Variants in PSG4 observed in about 807,000 individuals in gnomAD.
PSG4 encodes the protein pregnancy specific beta-1-glycoprotein 4.
Under a neutral mutation model 44.3 loss-of-function variants are expected in PSG4, and 61 were observed. The ratio of observed to expected loss-of-function variants is 1.38; its 90% CI spans 1.12 to 1.70. The LOEUF (loss-of-function observed/expected upper bound fraction) is 1.70, where lower values mean the gene tolerates loss of function less well. Among genes scored for constraint, PSG4 ranks in the 40% most tolerant of loss-of-function variants. The pLI is 0.00. For synonymous variants in PSG4, 248 were observed against 191.3 expected, an observed-to-expected ratio of 1.30 and a Z score of -2.45; for missense variants, 677 against 511.7, an observed-to-expected ratio of 1.32 and a Z score of -3.12.
intron 3 of PSG4, chr19:43,196,902 T>C (rs1394902593): frequency 6.9e-6 from 1 of 145,912 alleles, no homozygotes; most frequent in African/African-American, 2.6e-5. Flanking sequence ...AGGGGTTGCA[T>C]TGAATCTGCA....
At chr19:43,203,086 TA>T (rs1277562411) in intron 2 of PSG4, 1 of 146,070 alleles carries the variant, frequency 6.8e-6, no homozygotes, top group Non-Finnish European at 1.5e-5. Flanking sequence ...TCACCTGACC[TA>T]ATGCTTGGCA....
rs1418989195 is a variant in PSG4, at chr19:43,205,343, C to G, written c.64+130G>C. 38 of 1,158,368 alleles carry G rather than the reference C, an allele frequency of 3.3e-5. 4 individuals are homozygous for G. The highest frequency in any genetic ancestry group is 1.3e-4 in the Admixed American group (6 of 45,464). The allele number at this position is 1,158,368 out of a possible 1,614,324, so 71.8% of individuals were successfully genotyped here. A position where few individuals can be genotyped will look rare whatever the true frequency, so the allele number is the denominator to read the frequency against. ...AGACTGATCTTGAACTCCTGATCTC[C>G]TGATCCACCCAACTCAGCCTCCCAA... On this transcript the variant is annotated intron_variant, in intron 1 of 5. Transcript: ENST00000405312.
Position 43,195,120 on chromosome 19 carries a change from C to G in PSG4, c.863G>C (p.Arg288Pro). The change falls in exon 4 of 6, where the codon CGA becomes CCA. Residue 288 changes from arginine to proline, a missense_variant. Transcript: ENST00000405312. ...QSLPVSPRVK[R>P]PIENRILILP... ...AATGAGGATCCTGTTTTCAATGGGT[C>G]GCTTTACCCTGGGACTGACAGGGAG... 9 of 1,610,632 alleles carry G rather than the reference C, an allele frequency of 5.6e-6. 1 individual carries two copies. The highest frequency in any genetic ancestry group is 6.8e-6 in the Non-Finnish European group (8 of 1,179,060).
At position 43,205,582 on chromosome 19, in the gene PSG4, A is replaced by T. The variant is rs745380301; in HGVS notation, c.-46T>A. ...TCTCCTCTGTGGAGATAAGCCTAGGATCCAGAAGCTTCCTGAGTACGGCTG... is the reference window on the plus strand; with the variant it reads ...TCTCCTCTGTGGAGATAAGCCTAGGTTCCAGAAGCTTCCTGAGTACGGCTG... On this transcript the variant is annotated 5_prime_UTR_variant, in exon 1 of 6. Transcript: ENST00000405312. 45 of 1,502,930 alleles carry T rather than the reference A, an allele frequency of 3.0e-5. 1 individual carries two copies. Among genetic ancestry groups the T allele is most frequent in the Middle Eastern group, 1.8e-4 (1 of 5,684 alleles). 93.1% of individuals were successfully genotyped at this position (1,502,930 alleles called of 1,614,324 possible). A position where few individuals can be genotyped will look rare whatever the true frequency, so the allele number is the denominator to read the frequency against.
rs1267384627 is a variant in PSG4 at position 43,193,078 on chromosome 19, G to A, written c.*294C>T. The stretch of plus-strand genomic sequence containing the variant: ...AAAGAGGCAGGCATGAGCAAGGACG[G>A]TTAAGAGGGGTGGGAGCCTTATCAT... On this transcript the variant is annotated 3_prime_UTR_variant, in exon 6 of 6. Transcript: ENST00000405312. 3.3e-5 allele frequency: 20 copies of A among 613,910 alleles called. No homozygotes were observed. The East Asian group carries it at 5.5e-4, about 17-fold the overall frequency. The allele number at this position is 613,910 out of a possible 1,614,324, so 38.0% of individuals were successfully genotyped here. A position where few individuals can be genotyped will look rare whatever the true frequency, so the allele number is the denominator to read the frequency against.
rs1000661475 is a variant in PSG4 at position 43,194,272 on chromosome 19, A to C, written c.1243+68T>G. 10 of 1,609,386 alleles carry C rather than the reference A, an allele frequency of 6.2e-6. 1 individual carries two copies. The Admixed American group carries it at 1.5e-4, about 24-fold the overall frequency. On this transcript the variant is annotated intron_variant, in intron 5 of 5. Coordinates refer to ENST00000405312, the MANE Select transcript of PSG4 (RefSeq NM_002780.5). ...GGCTGGGAATAAAAATGTTTTCCTC[A>C]CTCTTCCCTGAATGCCAGATAGACT...
rs186520131 is a variant in PSG4, at chr19:43,194,988, T to A, written c.988+7A>T. 6.2e-7 allele frequency: 1 copy of A among 1,610,012 alleles called. No homozygotes were observed. The highest frequency in any genetic ancestry group is 8.5e-7 in the Non-Finnish European group (1 of 1,177,814). ...TCCTGGCCCACAGAGGAACAAAAGA[T>A]ACTCACAGAGGACATTCAGGGTGAC... On this transcript the variant is annotated splice_region_variant and intron_variant, in intron 4 of 5. Coordinates refer to ENST00000405312, the MANE Select transcript of PSG4 (RefSeq NM_002780.5).
At chr19:43,200,068 A>T (rs901583815) in intron 2 of PSG4, among the ~76,000 whole-genome samples, 1 of 145,762 alleles carries the variant, frequency 6.9e-6, no homozygotes, top group Non-Finnish European at 1.5e-5. Context: ...AGAGTTAGGA[A>T]AAATGGGGAG....
At chr19:43,203,741 G>T in intron 2 of PSG4, 145 bp downstream of exon 2, 1 of 1,376,050 alleles carries the variant, frequency 7.3e-7, no homozygotes, top group Non-Finnish European at 9.8e-7. Flanking sequence ...TCTCCTCTGT[G>T]TGTCCTGCAC....
intron 2 of PSG4, among the ~76,000 whole-genome samples, chr19:43,202,459 C>T (rs1967558061): frequency 6.9e-6 from 1 of 144,652 alleles, no homozygotes; most frequent in Admixed American, 6.9e-5. Flanking sequence ...CTAGAACCTC[C>T]TATGATTCTG....
At position 43,204,094 on chromosome 19, in the gene PSG4, G is replaced by C. The variant is rs1568390703; in HGVS notation, c.222C>G (p.Tyr74Ter). The C allele has an allele frequency of 1.9e-6, 3 of 1,586,354 alleles. No individual in the cohort carries two copies. Among genetic ancestry groups the C allele is most frequent in the Non-Finnish European group, 8.5e-7 (1 of 1,170,976 alleles). Reference protein sequence around the residue: ...GYIWYKGQMTYLYHYITSYVV... With the variant: ...GYIWYKGQMT ...CATATGATGTAATGTAATGGTAGAG[G>C]TATGTCATTTGCCCTTTGTACCAAA... Residue 74 changes from tyrosine (Y) to a stop codon, truncating the protein, a stop_gained, in exon 2 of 6, where the codon TAC becomes TAG. Transcript: ENST00000405312. LOFTEE classifies it high-confidence loss of function.
At chr19:43,196,784 C>T (rs756663754) in intron 3 of PSG4, 1 of 151,146 alleles carries the variant, frequency 6.6e-6, no homozygotes, top group Non-Finnish European at 1.5e-5. Context: ...TCATGGTTGC[C>T]TCTTTTTCTC....
rs1460681781 is a variant in PSG4 at position 43,205,500 on chromosome 19, T to C, written c.37A>G (p.Ile13Val). The C allele has an allele frequency of 6.4e-7, 1 of 1,553,572 alleles. No individual in the cohort carries two copies. The highest frequency in any genetic ancestry group is 1.7e-5 in the Admixed American group (1 of 57,614). ...GTGAGCAGGACCCCCTTCCAGGTGATGCGCTGTGTGCAGGGAGGGGCTGAG... is the reference window on the plus strand; with the variant it reads ...GTGAGCAGGACCCCCTTCCAGGTGACGCGCTGTGTGCAGGGAGGGGCTGAG... ...PLSAPPCTQRITWKGVLLTAS... is the reference protein window; with the variant it reads ...PLSAPPCTQRVTWKGVLLTAS... Residue 13 changes from isoleucine (I) to valine (V), a missense_variant, in exon 1 of 6, where the codon ATC becomes GTC. Physicochemically the swap from Ile to Val is conservative, Grantham distance 29 (BLOSUM62 3). Transcript: ENST00000405312.
intron 2 of PSG4, 187 bp downstream of exon 2, chr19:43,203,699 G>A (rs1967622432): frequency 9.7e-6 from 11 of 1,133,526 alleles, no homozygotes; most frequent in Admixed American, 2.4e-5. Flanking sequence ...GGGTCTGAAT[G>A]CGGGAAAGGA....
intron 2 of PSG4, among the ~76,000 whole-genome samples, chr19:43,202,344 C>T (rs141581494): frequency 7.0e-6 from 1 of 143,628 alleles, no homozygotes; most frequent in Admixed American, 6.9e-5. Context: ...CCTCTGGTGG[C>T]CAAAGAGCTT....
intron 3 of PSG4, among the ~76,000 whole-genome samples, 178 bp from the exon 4 acceptor site, chr19:43,195,451 G>C (rs1047049726): frequency 2.0e-5 from 3 of 151,454 alleles, no homozygotes; most frequent in African/African-American, 7.3e-5. Context: ...AAGACTGTGA[G>C]GCCACCTGCT....
chr19:43,195,185 A>T lies in PSG4; in HGVS notation c.798T>A (p.Ser266Arg), dbSNP rs772915784. The T allele has an allele frequency of 1.2e-6, 2 of 1,609,724 alleles. No homozygotes were observed. Among genetic ancestry groups the T allele is most frequent in the African/African-American group, 1.3e-5 (1 of 74,396 alleles). Residue 266 changes from serine (S) to arginine (R), a missense_variant, in exon 4 of 6, where the codon AGT becomes AGA. Physicochemically the swap from Ser to Arg is moderately radical, Grantham distance 110. Coordinates refer to ENST00000405312, the MANE Select transcript of PSG4 (RefSeq NM_002780.5). ...GCCACCAAATGTAGGTGTAGTTCTT[A>T]CTCTTAGGTTCACAGGTGAAGGTTA... ...DVLTFTCEPK[S>R]KNYTYIWWLN...
At position 43,193,179 on chromosome 19, in the gene PSG4, C is replaced by G; in HGVS notation, c.*193G>C. The G allele has an allele frequency of 4.0e-6, 3 of 742,760 alleles. 1 individual carries two copies. Among genetic ancestry groups the G allele is most frequent in the Non-Finnish European group, 7.4e-6 (3 of 405,692 alleles). The allele number at this position is 742,760 out of a possible 1,614,324, so 46.0% of individuals were successfully genotyped here. A position where few individuals can be genotyped will look rare whatever the true frequency, so the allele number is the denominator to read the frequency against. ...GTCATCAACTTGTTATCCTGGTTTA[C>G]AGTTTGAGTAGCTGTTGTTATGGTG... is the stretch of plus-strand genomic sequence containing the variant. On this transcript the variant is annotated 3_prime_UTR_variant, in exon 6 of 6. Transcript: ENST00000405312.
rs1177735848 is a variant in PSG4, at chr19:43,204,211, T to A, written c.105A>T (p.Gln35His). ...TGGGTGGCTGGGCTTCAATCGTGACTTGGGCAGTTGTGGGCGGATTCCAGA... is the reference window on the plus strand; with the variant it reads ...TGGGTGGCTGGGCTTCAATCGTGACATGGGCAGTTGTGGGCGGATTCCAGA... The part of the protein sequence containing the change: ...LNFWNPPTTA[Q>H]VTIEAQPPKV... Residue 35 changes from glutamine to histidine, a missense_variant, in exon 2 of 6, where the codon CAA becomes CAT. By Grantham distance (24) the Gln-to-His change is conservative. Coordinates refer to ENST00000405312, the MANE Select transcript of PSG4 (RefSeq NM_002780.5). 3.2e-6 allele frequency: 5 copies of A among 1,582,718 alleles called. 1 individual carries two copies. Among genetic ancestry groups the A allele is most frequent in the Admixed American group, 1.7e-5 (1 of 58,076 alleles).
Sources: allele counts gnomAD v4.1 joint callset (sites outside exome capture counted in the v4.1 genomes callset), GRCh38; gene constraint gnomAD v4.1.1; transcripts MANE v1.5; gene names NCBI Gene and HGNC (gene_info 2026-07-23, HGNC 2026-07-21).